GALNT17: variants seen among roughly 807,000 people sequenced by gnomAD.
The protein encoded by GALNT17 is UDP-GalNAc:polypeptide N-acetylgalactosaminyltransferase-like 3.
In GALNT17, 29 loss-of-function variants were observed where a neutral mutation model predicts 63.7. That is an observed-to-expected ratio of 0.46 (90% confidence interval 0.34 to 0.62). The LOEUF is 0.62. GALNT17 is among the 20% of genes least tolerant of loss of function. The pLI is 0.01. For missense variants in GALNT17, 603 were observed against 799.6 expected, an observed-to-expected ratio of 0.75 and a Z score of 2.97; for synonymous variants, 305 against 318.3, an observed-to-expected ratio of 0.96 and a Z score of 0.45.
chr7:71,224,135 A>T (rs1437926637), intron 1 of GALNT17, among the ~76,000 whole-genome samples: 2 of 151,936 alleles, frequency 1.3e-5, no homozygotes, highest in Non-Finnish European at 2.9e-5. Flanking sequence ...GCTCACTGCA[A>T]CCTCTGCCTC....
At chr7:71,517,439 C>T (rs1788462980) in intron 5 of GALNT17, among the ~76,000 whole-genome samples, 1 of 152,192 alleles carries the variant, frequency 6.6e-6, no homozygotes, top group Admixed American at 6.5e-5. Context: ...AACACTCACT[C>T]CATAACATCT....
chr7:71,464,170 G>T (rs55967920), intron 5 of GALNT17, among the ~76,000 whole-genome samples: 7 of 152,182 alleles, frequency 4.6e-5, no homozygotes, highest in East Asian at 1.9e-4. Context: ...GACATTAAGC[G>T]TGGGGGATTC....
intron 1 of GALNT17, among the ~76,000 whole-genome samples, chr7:71,256,790 C>G (rs1790297644): frequency 6.6e-6 from 1 of 152,182 alleles, no homozygotes; most frequent in Non-Finnish European, 1.5e-5. Flanking sequence ...TTTGCCAACA[C>G]TGCGTATCTC....
intron 2 of GALNT17, among the ~76,000 whole-genome samples, chr7:71,358,735 T>A (rs935738837): frequency 6.6e-6 from 1 of 152,178 alleles, no homozygotes; most frequent in African/African-American, 2.4e-5. Context: ...CTGATTATCA[T>A]AAGTTTGCTT....
chr7:71,425,085 G>A (rs1027887468), intron 5 of GALNT17, among the ~76,000 whole-genome samples: 4 of 152,076 alleles, frequency 2.6e-5, no homozygotes, highest in Non-Finnish European at 5.9e-5. Flanking sequence ...TTCCAGTATA[G>A]CAAGTGGGCA....
rs538337196 is a variant in GALNT17, at chr7:71,349,041, A to G, written c.422+13308A>G. Among the ~76,000 whole-genome samples the G allele has an allele frequency of 1.8e-4, 27 of 152,360 alleles. No individual in the cohort carries two copies. The East Asian group carries it at 5.2e-3, about 29-fold the overall frequency. The stretch of plus-strand genomic sequence containing the variant: ...TGCCAAATTATACTCCGATTCGTTC[A>G]GTGGACAGATAGTTACGTGAAATAC... On this transcript the variant is annotated intron_variant, in intron 2 of 10. Transcript: ENST00000333538.
intron 2 of GALNT17, among the ~76,000 whole-genome samples, chr7:71,339,425 G>A (rs1429911515): frequency 1.3e-5 from 2 of 152,168 alleles, no homozygotes; most frequent in African/African-American, 2.4e-5. Context: ...GGTGGCTCAC[G>A]CCTGTAATCC....
chr7:71,339,146 G>A lies in GALNT17; in HGVS notation c.422+3413G>A, dbSNP rs139784468. The stretch of plus-strand genomic sequence containing the variant: ...AAAACGAGGTTACTGGAAAAGAGCC[G>A]GTTGAACAAGTATTATTGAGCACTT... On this transcript the variant is annotated intron_variant, in intron 2 of 10. Transcript: ENST00000333538. Among the ~76,000 whole-genome samples, 102 of 152,238 alleles carry A rather than the reference G, an allele frequency of 6.7e-4. 1 individual carries two copies. The highest frequency in any genetic ancestry group is 2.2e-3 in the African/African-American group (93 of 41,534).
chr7:71,549,289 GGGCACGGT>G (rs1400955583), intron 5 of GALNT17, among the ~76,000 whole-genome samples: 1 of 152,190 alleles, frequency 6.6e-6, no homozygotes, highest in Admixed American at 6.5e-5. Flanking sequence ...GATCTTGGCT[GGGCACGGT>G]GGCTCATTCC....
chr7:71,533,037 G>A (rs377310588), intron 5 of GALNT17, among the ~76,000 whole-genome samples: 194 of 152,220 alleles, frequency 1.3e-3, no homozygotes, highest in South Asian at 6.0e-3. Context: ...ACACTCAGAC[G>A]AAGAAATTTA....
chr7:71,493,182 T>A (rs1788037925), intron 5 of GALNT17, among the ~76,000 whole-genome samples: 1 of 152,174 alleles, frequency 6.6e-6, no homozygotes, highest in African/African-American at 2.4e-5. Context: ...ATCCAGCCAG[T>A]GCCTTTCAAG....
chr7:71,543,615 A>G (rs1409430397), intron 5 of GALNT17, among the ~76,000 whole-genome samples: 1 of 152,126 alleles, frequency 6.6e-6, no homozygotes, highest in African/African-American at 2.4e-5. Flanking sequence ...CATTCTGTGC[A>G]AAATCCTGTT....
chr7:71,482,242 C>T (rs949727756), intron 5 of GALNT17, among the ~76,000 whole-genome samples: 2 of 151,530 alleles, frequency 1.3e-5, no homozygotes, highest in African/African-American at 4.8e-5. Flanking sequence ...CTCTGCCTCC[C>T]GGGTTCAAGT....
chr7:71,275,295 G>A (rs1201440850), intron 1 of GALNT17, among the ~76,000 whole-genome samples: 1 of 152,162 alleles, frequency 6.6e-6, no homozygotes, highest in East Asian at 1.9e-4. Flanking sequence ...CCAAGATGTA[G>A]TGACTCACGC....
Position 71,592,574 on chromosome 7 carries a change from TAA to T in GALNT17, c.1080+21175_1080+21176del, listed in dbSNP as rs1427993041. Reference sequence around the variant, plus strand: ...CATAGCATAGCATACTAAAATAAAATAAAATAAAATAAAATAAAATAAAATAA... The same window carrying T: ...CATAGCATAGCATACTAAAATAAAATAATAAAATAAAATAAAATAAAATAA... On this transcript the variant is annotated intron_variant, in intron 6 of 10. Coordinates refer to ENST00000333538, the MANE Select transcript of GALNT17 (RefSeq NM_022479.3). Among the ~76,000 whole-genome samples, 120 of 113,908 alleles carry T rather than the reference TAA, an allele frequency of 1.1e-3. No homozygotes were observed. The Middle Eastern group carries it at 0.015, about 14-fold the overall frequency. 74.7% of individuals were successfully genotyped at this position (113,908 alleles called of 152,430 possible).
chr7:71,558,601 A>G (rs909818659), intron 5 of GALNT17, among the ~76,000 whole-genome samples: 1 of 152,172 alleles, frequency 6.6e-6, no homozygotes, highest in Admixed American at 6.5e-5. Flanking sequence ...ACACTTTAAA[A>G]TATATATACA....
intron 5 of GALNT17, among the ~76,000 whole-genome samples, chr7:71,529,253 G>A (rs929733296): frequency 6.6e-6 from 1 of 152,142 alleles, no homozygotes; most frequent in African/African-American, 2.4e-5. Flanking sequence ...GAATAATTGT[G>A]TTGAATTAAT....
intron 8 of GALNT17, among the ~76,000 whole-genome samples, chr7:71,670,635 A>G (rs781652498): frequency 2.0e-5 from 3 of 152,194 alleles, no homozygotes; most frequent in Non-Finnish European, 4.4e-5. Context: ...AATACTAGGG[A>G]TGAATATTTG....
At chr7:71,571,031 T>C (rs1789432436) in intron 5 of GALNT17, among the ~76,000 whole-genome samples, 1 of 149,756 alleles carries the variant, frequency 6.7e-6, no homozygotes, top group South Asian at 2.1e-4. Flanking sequence ...AGAGAGGAGG[T>C]GTGGGAATTG....
Sources: allele counts gnomAD v4.1 joint callset (sites outside exome capture counted in the v4.1 genomes callset), GRCh38; gene constraint gnomAD v4.1.1; transcripts MANE v1.5; gene names NCBI Gene and HGNC (gene_info 2026-07-23, HGNC 2026-07-21).